OTUD7A: variants seen among roughly 807,000 people sequenced by gnomAD.
OTUD7A encodes the protein OTU domain-containing protein 7A.
In OTUD7A, 12 loss-of-function variants were observed where a neutral mutation model predicts 65.7. That is an observed-to-expected ratio of 0.18 (90% CI 0.12 to 0.30). OTUD7A has a LOEUF of 0.30. Ranked by LOEUF, OTUD7A falls within the 10% of genes least tolerant of loss-of-function variation. OTUD7A has a pLI of 1.00. For synonymous variants in OTUD7A, 641 were observed against 586.3 expected, an observed-to-expected ratio of 1.09 and a Z score of -1.35; for missense variants, 1,148 against 1,304.8, an observed-to-expected ratio of 0.88 and a Z score of 1.85.
At chr15:31,618,277 C>G (rs1027426780) in intron 3 of OTUD7A, among the ~76,000 whole-genome samples, 3 of 152,140 alleles carry the variant, frequency 2.0e-5, no homozygotes, top group Non-Finnish European at 4.4e-5. Flanking sequence ...GATTTATAAT[C>G]CTTTGGGTAT....
intron 12 of OTUD7A, among the ~76,000 whole-genome samples, chr15:31,486,038 G>C (rs72724985): frequency 0.15 from 22,454 of 152,208 alleles, 2,204 homozygotes; most frequent in African/African-American, 0.27. Flanking sequence ...TAGCAGGAGC[G>C]CACTGAGAGC....
At chr15:31,827,192 C>A (rs1013025730) in intron 1 of OTUD7A, among the ~76,000 whole-genome samples, 9 of 152,168 alleles carry the variant, frequency 5.9e-5, no homozygotes, top group African/African-American at 1.9e-4. Context: ...TGAGACTGGG[C>A]AGTTTACAAA....
intron 1 of OTUD7A, among the ~76,000 whole-genome samples, chr15:31,868,535 T>C (rs1897939744): frequency 6.6e-6 from 1 of 152,200 alleles, no homozygotes; most frequent in African/African-American, 2.4e-5. Context: ...CTACAGCAAC[T>C]ACACACAGCG....
intron 3 of OTUD7A, among the ~76,000 whole-genome samples, chr15:31,641,988 TC>T (rs1891530552): frequency 6.6e-6 from 1 of 152,358 alleles, no homozygotes; most frequent in South Asian, 2.1e-4. Context: ...CTTATCTCCC[TC>T]TTGATCTTTG....
intron 3 of OTUD7A, among the ~76,000 whole-genome samples, chr15:31,616,037 A>AG (rs1333732385): frequency 6.6e-6 from 1 of 152,256 alleles, no homozygotes; most frequent in Admixed American, 6.5e-5. Flanking sequence ...CCACCCCCTC[A>AG]GGATGGTAGA....
At chr15:31,630,635 G>C (rs1200577513) in intron 3 of OTUD7A, among the ~76,000 whole-genome samples, 1 of 152,038 alleles carries the variant, frequency 6.6e-6, no homozygotes, top group Non-Finnish European at 1.5e-5. Flanking sequence ...CATTTCCTGG[G>C]TATCCTTGTT....
chr15:31,725,136 G>C (rs958246589), intron 1 of OTUD7A, among the ~76,000 whole-genome samples: 8 of 152,184 alleles, frequency 5.3e-5, no homozygotes, highest in East Asian at 1.9e-4. Flanking sequence ...AAAGCTGCGA[G>C]CTTGCAAGGA....
intron 3 of OTUD7A, among the ~76,000 whole-genome samples, chr15:31,590,055 G>A (rs1474211398): frequency 3.9e-5 from 6 of 152,030 alleles, no homozygotes; most frequent in East Asian, 1.9e-4. Context: ...TGACAATTCC[G>A]TCAATGACAG....
At chr15:31,633,641 C>A in intron 3 of OTUD7A, among the ~76,000 whole-genome samples, 1 of 152,204 alleles carries the variant, frequency 6.6e-6, no homozygotes, top group East Asian at 1.9e-4. Flanking sequence ...CAGACCCTCA[C>A]ACCCAGCATG....
chr15:31,649,238 G>T (rs1406574730), intron 3 of OTUD7A, among the ~76,000 whole-genome samples: 1 of 152,082 alleles, frequency 6.6e-6, no homozygotes, highest in African/African-American at 2.4e-5. Flanking sequence ...ACTTTGATCT[G>T]GTAACACAGG....
Position 31,713,907 on chromosome 15 carries a change from T to G in OTUD7A, c.-99-56830A>C, listed in dbSNP as rs1036181562. 4.1e-5 allele frequency among the ~76,000 whole-genome samples: 6 copies of G among 146,692 alleles called. No homozygotes were observed. The South Asian group carries it at 6.7e-4, about 16-fold the overall frequency. On this transcript the variant is annotated intron_variant, in intron 1 of 12. Transcript: ENST00000307050. ...AAAAGTTGCTCAACCTTATTAGTCA[T>G]CAGTGAAATTAAATGAAAATGAAAA...
intron 10 of OTUD7A, among the ~76,000 whole-genome samples, chr15:31,492,768 A>G (rs1357134398): frequency 1.3e-5 from 2 of 152,198 alleles, no homozygotes; most frequent in East Asian, 3.8e-4. Context: ...GAACTCATAC[A>G]GTACATAGAA....
At chr15:31,694,851 CT>C (rs58399731) in intron 1 of OTUD7A, among the ~76,000 whole-genome samples, 11,510 of 145,490 alleles carry the variant, frequency 0.079, 998 homozygotes, top group African/African-American at 0.23. Flanking sequence ...TTTACATTTT[CT>C]TTTTTTTTTT....
chr15:31,586,122 A>G (rs983029803), intron 3 of OTUD7A, among the ~76,000 whole-genome samples: 16 of 152,174 alleles, frequency 1.1e-4, no homozygotes, highest in African/African-American at 3.9e-4. Flanking sequence ...AACCCTTCCT[A>G]TTACTCTAGG....
intron 6 of OTUD7A, among the ~76,000 whole-genome samples, chr15:31,527,676 G>A (rs1487679829): frequency 6.6e-6 from 1 of 152,194 alleles, no homozygotes; most frequent in Non-Finnish European, 1.5e-5. Flanking sequence ...GGGACAGGCT[G>A]TCCAGTGTCC....
intron 1 of OTUD7A, among the ~76,000 whole-genome samples, chr15:31,802,103 A>ATGTGTG (rs1255794707): frequency 3.7e-4 from 13 of 35,480 alleles, no homozygotes; most frequent in South Asian, 6.8e-4. Context: ...GTGTGTATAT[A>ATGTGTG]TGTGTGTGTG....
intron 8 of OTUD7A, among the ~76,000 whole-genome samples, chr15:31,522,845 T>C (rs1349647105): frequency 6.6e-6 from 1 of 152,178 alleles, no homozygotes; most frequent in African/African-American, 2.4e-5. Context: ...ATACGTGACA[T>C]AGTTGCTTTC....
intron 1 of OTUD7A, among the ~76,000 whole-genome samples, 182 bp from the exon 2 acceptor site, chr15:31,657,259 G>A (rs950715013): frequency 6.6e-6 from 1 of 152,202 alleles, no homozygotes; most frequent in Admixed American, 6.5e-5. Context: ...TCCCATGCCC[G>A]GGCCTGGCCA....
intron 3 of OTUD7A, among the ~76,000 whole-genome samples, chr15:31,606,867 T>C (rs756757672): frequency 9.9e-5 from 15 of 152,214 alleles, no homozygotes; most frequent in Non-Finnish European, 1.9e-4. Flanking sequence ...AATTCTTTCA[T>C]AAAAATTTTC....
Sources: gnomAD v4.1 joint callset for allele counts (sites outside exome capture counted in the v4.1 genomes callset) on GRCh38, gnomAD v4.1.1 for gene constraint, MANE v1.5 for transcripts, NCBI Gene and HGNC (gene_info 2026-07-23, HGNC 2026-07-21) for gene names.